APLP2: variants seen among roughly 807,000 people sequenced by gnomAD.
APLP2 encodes the protein CDEI box-binding protein.
A neutral mutation model predicts 89.9 loss-of-function variants in APLP2; 53 were observed. The observed-to-expected ratio is 0.59, with a 90% CI of 0.47 to 0.74. The LOEUF is 0.74. APLP2 is among the 30% of genes least tolerant of loss of function. The pLI is 0.00. For synonymous variants in APLP2, 372 were observed against 348.6 expected (o/e 1.07, Z -0.75); for missense variants, 973 against 975.9 (o/e 1.00, Z 0.04).
chr11:130,112,675 C>A (rs543580988), intron 3 of APLP2, among the ~76,000 whole-genome samples: 3 of 152,034 alleles, frequency 2.0e-5, no homozygotes, highest in African/African-American at 7.2e-5. Context: ...TTGTCTGGGC[C>A]GAGAGCAGCC....
At chr11:130,094,940 A>T (rs61349706) in intron 1 of APLP2, among the ~76,000 whole-genome samples, 1 of 152,158 alleles carries the variant, frequency 6.6e-6, no homozygotes, top group Admixed American at 6.5e-5. Flanking sequence ...AGTGTGTCTG[A>T]CTACACTGAA....
In APLP2 at chr11:130,141,157, C is replaced by T. The variant is rs1033669952; in HGVS notation, c.1924-341C>T. ...TCCTGACCTTGTGATCCACCTGCCTCGGCCTCCCAAAGTGCTGGGATTACA... is the reference window on the plus strand; with the variant it reads ...TCCTGACCTTGTGATCCACCTGCCTTGGCCTCCCAAAGTGCTGGGATTACA... On this transcript the variant is annotated intron_variant, in intron 14 of 16. Transcript: ENST00000338167. The surrounding 1 kb of genome is among the most constrained non-coding windows in gnomAD (Gnocchi z 4.2). 7 of 195,264 alleles carry T rather than the reference C, an allele frequency of 3.6e-5. No individual in the cohort carries two copies. The highest frequency in any genetic ancestry group is 1.1e-4 in the Admixed American group (2 of 17,772). The allele number at this position is 195,264 out of a possible 1,614,324, so 12.1% of individuals were successfully genotyped here.
At chr11:130,096,964 T>C (rs1946288192) in intron 1 of APLP2, among the ~76,000 whole-genome samples, 1 of 152,204 alleles carries the variant, frequency 6.6e-6, no homozygotes, top group East Asian at 1.9e-4. Flanking sequence ...TTTTAAATTG[T>C]TGATAATTAC....
At chr11:130,128,672 T>C (rs949284121) in intron 9 of APLP2, among the ~76,000 whole-genome samples, 16 of 152,234 alleles carry the variant, frequency 1.1e-4, no homozygotes, top group African/African-American at 3.6e-4. Flanking sequence ...ATAACTCCCA[T>C]TGGTCAGTGG....
chr11:130,095,104 T>G (rs1442729834), intron 1 of APLP2, among the ~76,000 whole-genome samples: 1 of 46,136 alleles, frequency 2.2e-5, no homozygotes, highest in East Asian at 1.3e-3. Context: ...CGCTTTTATG[T>G]TATAATGAGA....
At chr11:130,121,050 G>A (rs933893403) in intron 4 of APLP2, among the ~76,000 whole-genome samples, 2 of 152,216 alleles carry the variant, frequency 1.3e-5, no homozygotes, top group Non-Finnish European at 2.9e-5. Flanking sequence ...TGTTAAGGAG[G>A]TGGCTGAGCG....
At chr11:130,103,817 C>T (rs1248907865) in intron 1 of APLP2, among the ~76,000 whole-genome samples, 1 of 152,080 alleles carries the variant, frequency 6.6e-6, no homozygotes, top group Non-Finnish European at 1.5e-5. Context: ...GATTAAATAC[C>T]ACCTGAAATC....
chr11:130,141,890 C>CTT lies in APLP2; in HGVS notation c.1999-24_1999-23dup. ...CACGGCTGCCAGATGGTCACTGGGACTTTTTTCCACGTCTGCTTTATTACG... is the reference window on the plus strand; with the variant it reads ...CACGGCTGCCAGATGGTCACTGGGACTTTTTTTTCCACGTCTGCTTTATTACG... On this transcript the variant is annotated intron_variant, in intron 15 of 16. Coordinates refer to ENST00000338167, the MANE Select transcript of APLP2 (RefSeq NM_001142276.2). This position sits in a 1 kb window ranked among gnomAD's most constrained non-coding sequence, Gnocchi z 4.2. 6.3e-7 allele frequency: 1 copy of CTT among 1,580,468 alleles called. No individual in the cohort carries two copies. The highest frequency in any genetic ancestry group is 8.7e-7 in the Non-Finnish European group (1 of 1,156,034).
intron 1 of APLP2, among the ~76,000 whole-genome samples, chr11:130,072,590 C>T (rs1402452744): frequency 6.6e-6 from 1 of 151,824 alleles, no homozygotes; most frequent in Non-Finnish European, 1.5e-5. Flanking sequence ...GATTCTCCTG[C>T]CTCAGACTCC....
In APLP2 at chr11:130,069,905, G is replaced by C; in HGVS notation, c.-73G>C. 1.7e-6 allele frequency: 2 copies of C among 1,169,428 alleles called. No homozygotes were observed. The highest frequency in any genetic ancestry group is 2.4e-6 in the Non-Finnish European group (2 of 837,712). 72.4% of individuals were successfully genotyped at this position (1,169,428 alleles called of 1,614,324 possible). Reference sequence around the variant, plus strand: ...GGCGAACTGGCTTTAGATGCTTCTGGGTCGCGGTGTGCTAAGCGAGGAGTC... The same window carrying C: ...GGCGAACTGGCTTTAGATGCTTCTGCGTCGCGGTGTGCTAAGCGAGGAGTC... On this transcript the variant is annotated 5_prime_UTR_variant, in exon 1 of 17. Transcript: ENST00000338167.
intron 1 of APLP2, among the ~76,000 whole-genome samples, chr11:130,090,597 C>T (rs1346568680): frequency 6.6e-6 from 1 of 151,772 alleles, no homozygotes; most frequent in Non-Finnish European, 1.5e-5. Context: ...CACAGATCAA[C>T]AGGATCCCAA....
Position 130,110,675 on chromosome 11 carries a change from G to T in APLP2, c.403+14G>T. ...TCAAGTGTCTCGGTGAGTGTTCTTG[G>T]TTACTTTTCAGGAAGTGCCAGCCCC... is the stretch of plus-strand genomic sequence containing the variant. On this transcript the variant is annotated intron_variant, in intron 3 of 16. Transcript: ENST00000338167. The T allele has an allele frequency of 6.3e-7, 1 of 1,598,860 alleles. No homozygotes were observed. The highest frequency in any genetic ancestry group is 8.5e-7 in the Non-Finnish European group (1 of 1,175,298).
At position 130,070,192 on chromosome 11, in the gene APLP2, G is replaced by A. The variant is rs528532424; in HGVS notation, c.105+110G>A. 66 of 520,528 alleles carry A rather than the reference G, an allele frequency of 1.3e-4. No homozygotes were observed. In the African/African-American group the frequency reaches 1.3e-3, roughly 10 times the overall value. The allele number at this position is 520,528 out of a possible 1,614,324, so 32.2% of individuals were successfully genotyped here. A position where few individuals can be genotyped will look rare whatever the true frequency, so the allele number is the denominator to read the frequency against. On this transcript the variant is annotated intron_variant, in intron 1 of 16. Transcript: ENST00000338167. ...AGGGCGGGCCGGCGGTGCGGCGCCG[G>A]GGGTCCGGCTCTGCGGCGGGTCTGG...
chr11:130,129,340 G>C, intron 10 of APLP2, 134 bp downstream of exon 10: 4 of 1,051,350 alleles, frequency 3.8e-6, no homozygotes, highest in Non-Finnish European at 5.4e-6. Flanking sequence ...GATGATGAGG[G>C]AGGAAAAGGT....
intron 13 of APLP2, among the ~76,000 whole-genome samples, chr11:130,136,274 G>T (rs1481739377): frequency 6.6e-6 from 1 of 152,194 alleles, no homozygotes; most frequent in Non-Finnish European, 1.5e-5. Context: ...TGCCCTGAGA[G>T]CCGTCCCCCT....
At chr11:130,092,449 C>G (rs1203666460) in intron 1 of APLP2, among the ~76,000 whole-genome samples, 2 of 125,918 alleles carry the variant, frequency 1.6e-5, no homozygotes, top group Non-Finnish European at 1.6e-5. Flanking sequence ...ACTGAGTGAA[C>G]GAGACTCCGT....
chr11:130,122,609 G>A (rs1477731697), intron 6 of APLP2, 96 bp downstream of exon 6: 2 of 1,546,566 alleles, frequency 1.3e-6, no homozygotes, highest in Non-Finnish European at 1.7e-6. Context: ...AGTCACAGAA[G>A]GAAAGGTGTG....
At chr11:130,098,935 A>G (rs889112789) in intron 1 of APLP2, among the ~76,000 whole-genome samples, 10 of 152,188 alleles carry the variant, frequency 6.6e-5, no homozygotes, top group African/African-American at 2.2e-4. Flanking sequence ...TTTAATGAGT[A>G]GTACTTCTGA....
chr11:130,115,564 A>G (rs1385557796), intron 3 of APLP2, among the ~76,000 whole-genome samples: 2 of 152,252 alleles, frequency 1.3e-5, no homozygotes, highest in Non-Finnish European at 2.9e-5. Context: ...GTTTTGCTAT[A>G]TTGCCATATT....
Sources: gnomAD v4.1 joint callset for allele counts (sites outside exome capture counted in the v4.1 genomes callset) on GRCh38, gnomAD v4.1.1 for gene constraint, Gnocchi (gnomAD v3.1) non-coding constraint, MANE v1.5 for transcripts, NCBI Gene and HGNC (gene_info 2026-07-23, HGNC 2026-07-21) for gene names.